Variants in TRPM6 observed in about 807,000 individuals in gnomAD.
TRPM6 encodes transient receptor potential cation channel subfamily M member 6.
A neutral mutation model predicts 247.6 loss-of-function variants in TRPM6; 111 were observed. The observed-to-expected ratio is 0.45, with a 90% CI of 0.38 to 0.52. The LOEUF (loss-of-function observed/expected upper bound fraction) is 0.52, where lower values mean the gene tolerates loss of function less well. Among genes scored for constraint, TRPM6 ranks in the 20% least tolerant of loss-of-function variants. The probability of loss-of-function intolerance (pLI) is 0.00; values close to 1 mark genes in which losing one functional copy is unlikely to be tolerated. For synonymous variants in TRPM6, 892 were observed against 853.8 expected, an observed-to-expected ratio of 1.04 and a Z score of -0.78; for missense variants, 2,126 against 2,421.5, an observed-to-expected ratio of 0.88 and a Z score of 2.56.
rs552894155 is a variant in TRPM6, at chr9:74,724,829, C to T, written c.5936-83G>A. ...AAGACAAATGGGACTTTAGGCTTTGCCAAGTGTTCAGAGAGATCTCCTCTT... is the reference window on the plus strand; with the variant it reads ...AAGACAAATGGGACTTTAGGCTTTGTCAAGTGTTCAGAGAGATCTCCTCTT... On this transcript the variant is annotated intron_variant, in intron 38 of 38. Coordinates refer to ENST00000360774, the MANE Select transcript of TRPM6 (RefSeq NM_017662.5). 7 of 1,566,686 alleles carry T rather than the reference C, an allele frequency of 4.5e-6. No homozygotes were observed. The South Asian group carries it at 5.6e-5, about 13-fold the overall frequency.
rs1323688039 is a variant in TRPM6 at position 74,755,400 on chromosome 9, T to C, written c.4859A>G (p.Glu1620Gly). The C allele has an allele frequency of 1.2e-5, 19 of 1,614,046 alleles. No homozygotes were observed. Among genetic ancestry groups the C allele is most frequent in the Non-Finnish European group, 1.4e-5 (17 of 1,180,010 alleles). Residue 1620 changes from glutamate (E) to glycine (G), a missense_variant, in exon 28 of 39, where the codon GAG becomes GGG. Around this residue, in one of 3 missense-constraint regions of TRPM6, gnomAD observed 717 missense variants for 715.9 expected, o/e 1.00. Transcript: ENST00000360774. ...TGTGAACCAGTTCTTGCTGTACTCC[T>C]CTTCAGAGATGCTGTTTTCTCCTGG... Reference protein sequence around the residue: ...PEPGENSISEEEYSKNWFTVS... With the variant: ...PEPGENSISEGEYSKNWFTVS...
At position 74,744,138 on chromosome 9, in the gene TRPM6, T is replaced by G. The variant is rs1254103588; in HGVS notation, c.5091A>C (p.Ser1697=). 1 of 1,613,908 alleles carries G rather than the reference T, an allele frequency of 6.2e-7. No homozygotes were observed. The highest frequency in any genetic ancestry group is 1.3e-5 in the African/African-American group (1 of 74,940). ...LKSSIGVDKI[S]ASLKSPQEPH... ...GCTCTTGAGGGCTTTTTAAGGAGGC[T>G]GAGATCTCTGAAATTAGAGAGGAGA... The change falls in exon 32 of 39, where the codon TCA becomes TCC. Residue 1697 remains serine, a synonymous_variant. Coordinates refer to ENST00000360774, the MANE Select transcript of TRPM6 (RefSeq NM_017662.5).
rs146671096 is a variant in TRPM6 at position 74,842,339 on chromosome 9, A to T, written c.157T>A (p.Tyr53Asn). 2 of 1,614,184 alleles carry T rather than the reference A, an allele frequency of 1.2e-6. No homozygotes were observed. Among genetic ancestry groups the T allele is most frequent in the African/African-American group, 2.7e-5 (2 of 75,044 alleles). ...CQVCQNLIRC[Y>N]CGRLIGDHAG... ...TGGTCTCCAATCAGTCGGCCACAGT[A>T]ACACCTTAAATTCAAGACCAAAAAA... The change falls in exon 4 of 39, where the codon TAC (tyrosine) becomes AAC (asparagine). Residue 53 changes from tyrosine to asparagine, a missense_variant. This residue lies in a region of TRPM6 where 1,082 missense variants were observed against 1,307.9 expected (regional missense o/e 0.83). Coordinates refer to ENST00000360774, the MANE Select transcript of TRPM6 (RefSeq NM_017662.5).
At chr9:74,878,574 C>G (rs530052944) in intron 1 of TRPM6, among the ~76,000 whole-genome samples, 14 of 152,312 alleles carry the variant, frequency 9.2e-5, no homozygotes, top group Non-Finnish European at 1.8e-4. Flanking sequence ...CACCCAGAAT[C>G]AAAGCCAAAG....
chr9:74,726,688 T>A (rs1825338355), intron 38 of TRPM6, among the ~76,000 whole-genome samples: 1 of 152,198 alleles, frequency 6.6e-6, no homozygotes, highest in African/African-American at 2.4e-5. Context: ...GAATGCAGGC[T>A]GCCCTTCCAG....
rs372607324 is a variant in TRPM6, at chr9:74,761,821, G to C, written c.4673-13C>G. On this transcript the variant is annotated splice_polypyrimidine_tract_variant and intron_variant, in intron 26 of 38. Coordinates refer to ENST00000360774, the MANE Select transcript of TRPM6 (RefSeq NM_017662.5). ...GAGCCTGAAAGATCTGCAAGGAAAT[G>C]GTCTACATGAGAAAGTTGACAACAG... The C allele has an allele frequency of 7.5e-6, 12 of 1,592,846 alleles. No homozygotes were observed. In the African/African-American group the frequency reaches 1.6e-4, roughly 21 times the overall value.
intron 1 of TRPM6, among the ~76,000 whole-genome samples, chr9:74,871,484 G>T (rs1587602488): frequency 1.3e-5 from 2 of 151,974 alleles, no homozygotes; most frequent in African/African-American, 4.8e-5. Flanking sequence ...CATTTTATGA[G>T]GCTGACCAGT....
At chr9:74,792,323 G>C (rs1030166063) in intron 19 of TRPM6, among the ~76,000 whole-genome samples, 2 of 152,142 alleles carry the variant, frequency 1.3e-5, no homozygotes, top group African/African-American at 4.8e-5. Flanking sequence ...TTAGAGACAG[G>C]AGCAAAGCTA....
chr9:74,758,553 T>C lies in TRPM6; in HGVS notation c.4786-3080A>G, dbSNP rs532178083. Reference sequence around the variant, plus strand: ...AGAAATATCTGATCACCTAAGTAGATACAGAAAAAGCATTTGACAAAGGCT... The same window carrying C: ...AGAAATATCTGATCACCTAAGTAGACACAGAAAAAGCATTTGACAAAGGCT... On this transcript the variant is annotated intron_variant, in intron 27 of 38. Transcript: ENST00000360774. 1.2e-4 allele frequency among the ~76,000 whole-genome samples: 19 copies of C among 152,228 alleles called. No homozygotes were observed. In the East Asian group the frequency reaches 3.7e-3, roughly 29 times the overall value.
chr9:74,821,871 G>C (rs748578643), intron 7 of TRPM6, 34 bp from the exon 8 acceptor site: 2 of 1,613,332 alleles, frequency 1.2e-6, no homozygotes, highest in Non-Finnish European at 1.7e-6. Flanking sequence ...CACACTGTTA[G>C]AGAATCCCTA....
At chr9:74,796,718 G>C in intron 18 of TRPM6, 23 bp downstream of exon 18, 6 of 1,611,532 alleles carry the variant, frequency 3.7e-6, no homozygotes, top group Non-Finnish European at 5.1e-6. Context: ...TGAAAATTCA[G>C]TTCATTATGA....
chr9:74,859,036 T>C (rs1454029464), intron 1 of TRPM6, among the ~76,000 whole-genome samples: 7 of 152,170 alleles, frequency 4.6e-5, no homozygotes, highest in African/African-American at 1.7e-4. Flanking sequence ...AAGATGTAAC[T>C]GATATATCCT....
chr9:74,802,249 G>T, intron 15 of TRPM6, 74 bp from the exon 16 acceptor site: 1 of 1,392,236 alleles, frequency 7.2e-7, no homozygotes, highest in Non-Finnish European at 1.0e-6. Flanking sequence ...CAACACAGCA[G>T]GTGTCCTAGA....
intron 14 of TRPM6, among the ~76,000 whole-genome samples, chr9:74,806,305 A>ATTTG (rs869181639): frequency 2.0e-5 from 3 of 151,768 alleles, no homozygotes; most frequent in Non-Finnish European, 4.4e-5. Context: ...TTATTTATTT[A>ATTTG]TTTAGAGACT....
At chr9:74,844,243 TCTC>T (rs1260393022) in intron 3 of TRPM6, among the ~76,000 whole-genome samples, 1 of 152,152 alleles carries the variant, frequency 6.6e-6, no homozygotes, top group Non-Finnish European at 1.5e-5. Flanking sequence ...CCTCCAATTG[TCTC>T]CTAACAAGAG....
At chr9:74,868,707 A>G (rs1257170584) in intron 1 of TRPM6, among the ~76,000 whole-genome samples, 1 of 152,160 alleles carries the variant, frequency 6.6e-6, no homozygotes, top group Non-Finnish European at 1.5e-5. Flanking sequence ...AAAGTTCTTG[A>G]AAGACAACAA....
At chr9:74,820,191 T>G in intron 9 of TRPM6, 113 bp downstream of exon 9, 1 of 1,227,696 alleles carries the variant, frequency 8.1e-7, no homozygotes, top group Non-Finnish European at 1.2e-6. Flanking sequence ...CCCCTGTATG[T>G]TGTTCCCCTT....
chr9:74,827,642 A>AG (rs369216103), intron 7 of TRPM6, 136 bp downstream of exon 7: 3 of 855,900 alleles, frequency 3.5e-6, no homozygotes, highest in South Asian at 1.4e-5. Context: ...CCATGTGGGA[A>AG]GGGGGGTGGC....
intron 15 of TRPM6, among the ~76,000 whole-genome samples, chr9:74,802,916 T>A (rs1431319557): frequency 2.0e-5 from 3 of 152,202 alleles, no homozygotes. Context: ...ACTACGGTTA[T>A]GACTTTGAGG....
Sources: allele counts gnomAD v4.1 joint callset (sites outside exome capture counted in the v4.1 genomes callset), GRCh38; gene constraint gnomAD v4.1.1; regional missense constraint gnomAD v4.1.1; transcripts MANE v1.5; gene names NCBI Gene and HGNC (gene_info 2026-07-23, HGNC 2026-07-21).